The following FOCAD variants were observed in gnomAD, a reference collection of about 807,000 sequenced individuals.
The protein encoded by FOCAD is KIAA1797.
A neutral mutation model predicts 225.6 loss-of-function variants in FOCAD; 198 were observed. The observed-to-expected ratio is 0.88, with a 90% CI of 0.78 to 0.99. The LOEUF is 0.99. FOCAD is among the 50% of genes least tolerant of loss of function. FOCAD has a pLI of 0.00. For synonymous variants in FOCAD, 897 were observed against 755.0 expected (o/e 1.19, Z -3.08); for missense variants, 2,713 against 2,123.6 (o/e 1.28, Z -5.46).
At chr9:20,951,177 T>A in intron 34 of FOCAD, 79 bp downstream of exon 34, 1 of 1,054,194 alleles carries the variant, frequency 9.5e-7, no homozygotes, top group Non-Finnish European at 1.5e-6. Context: ...TTAAGAGCAT[T>A]AATCTTCACA....
At chr9:20,805,285 A>G (rs1160729961) in intron 11 of FOCAD, among the ~76,000 whole-genome samples, 1 of 152,204 alleles carries the variant, frequency 6.6e-6, no homozygotes, top group Non-Finnish European at 1.5e-5. Context: ...TTCAGAAGTG[A>G]ATGAATAACT....
Position 20,929,439 on chromosome 9 carries a change from T to G in FOCAD, c.3160T>G (p.Phe1054Val). Residue 1054 changes from phenylalanine (F) to valine (V), a missense_variant, in exon 27 of 44, where the codon TTC becomes GTC. Coordinates refer to ENST00000338382, the MANE Select transcript of FOCAD (RefSeq NM_001375567.1). The stretch of plus-strand genomic sequence containing the variant: ...GGCTTTGTCTCTCCTTGTGCCAGTT[T>G]TCATTATCTCTTGCAAAGAGAAGGT... ...ATALSLLVPV[F>V]IISCKEKVEE... 6.2e-7 allele frequency: 1 copy of G among 1,614,138 alleles called. No individual in the cohort carries two copies. The highest frequency in any genetic ancestry group is 8.5e-7 in the Non-Finnish European group (1 of 1,180,022).
chr9:20,877,206 TC>T, intron 19 of FOCAD, among the ~76,000 whole-genome samples: 1 of 152,258 alleles, frequency 6.6e-6, no homozygotes, highest in East Asian at 1.9e-4. Flanking sequence ...TCTTTCCCCG[TC>T]AAGTGTCCTT....
intron 17 of FOCAD, 132 bp downstream of exon 17, chr9:20,866,108 G>GTGAT (rs1233124349): frequency 6.8e-6 from 5 of 734,604 alleles, no homozygotes; most frequent in Admixed American, 3.4e-5. Context: ...TAAAAAAAGT[G>GTGAT]TGATTATTCA....
chr9:20,768,930 A>T (rs375849428), intron 7 of FOCAD, among the ~76,000 whole-genome samples: 182 of 152,264 alleles, frequency 1.2e-3, no homozygotes, highest in African/African-American at 4.1e-3. Context: ...AAGATTAGAG[A>T]GCCTTTAATG....
chr9:20,974,531 C>T (rs1240171184), intron 35 of FOCAD, among the ~76,000 whole-genome samples: 4 of 130,806 alleles, frequency 3.1e-5, no homozygotes, highest in Non-Finnish European at 1.6e-5. Flanking sequence ...CTATGTTTGT[C>T]CTTTCTGTAG....
At position 20,862,586 on chromosome 9, in the gene FOCAD, C is replaced by A. The variant is rs1289319960; in HGVS notation, c.1929C>A (p.Cys643Ter). The A allele has an allele frequency of 6.2e-7, 1 of 1,613,034 alleles. No homozygotes were observed. Among genetic ancestry groups the A allele is most frequent in the Non-Finnish European group, 8.5e-7 (1 of 1,179,396 alleles). The change falls in exon 16 of 44, where the codon TGC becomes TGA. Residue 643 changes from cysteine (C) to a stop codon, truncating the protein, a stop_gained. Coordinates refer to ENST00000338382, the MANE Select transcript of FOCAD (RefSeq NM_001375567.1). LOFTEE classifies it high-confidence loss of function. ...TTCTATTTGCTTCACAGGTTGTTTG[C>A]ATTCGCTCCACTTGGAATGCTCTCT... is the stretch of plus-strand genomic sequence containing the variant. Reference protein sequence around the residue: ...LHALCQAEVVCIRSTWNALSP... With the variant: ...LHALCQAEVV
intron 7 of FOCAD, among the ~76,000 whole-genome samples, chr9:20,766,719 A>G (rs76007816): frequency 0.012 from 1,785 of 151,022 alleles, 13 homozygotes; most frequent in Non-Finnish European, 0.019. Flanking sequence ...ATGGTTTCCC[A>G]ACTTTTCTCT....
rs1464809420 is a variant in FOCAD at position 20,978,339 on chromosome 9, G to T, written c.4262G>T (p.Gly1421Val). 3.1e-6 allele frequency: 5 copies of T among 1,592,448 alleles called. No homozygotes were observed. Among genetic ancestry groups the T allele is most frequent in the Non-Finnish European group, 4.3e-6 (5 of 1,166,664 alleles). The change falls in exon 37 of 44, where the codon GGT (glycine) becomes GTT (valine). Residue 1421 changes from glycine to valine, a missense_variant and splice_region_variant. Transcript: ENST00000338382. ...LLSPLMRLNF[G>V]EEIQQLCLEI... ...ATTCTTTTCCTTTCTTGACTTTCAG[G>T]TGAAGAGATCCAGCAACTGTGCCTT...
At chr9:20,905,858 T>C (rs915879441) in intron 21 of FOCAD, among the ~76,000 whole-genome samples, 6 of 152,058 alleles carry the variant, frequency 3.9e-5, no homozygotes, top group Non-Finnish European at 8.8e-5. Context: ...GTAGTACTTA[T>C]TCAGGAAAAG....
intron 8 of FOCAD, among the ~76,000 whole-genome samples, chr9:20,773,484 T>G (rs1032401870): frequency 6.6e-6 from 1 of 152,166 alleles, no homozygotes; most frequent in South Asian, 2.1e-4. Flanking sequence ...ATAAGGCAAA[T>G]AGCACATAGA....
chr9:20,675,723 A>G (rs1305379771), intron 2 of FOCAD, among the ~76,000 whole-genome samples: 2 of 152,244 alleles, frequency 1.3e-5, no homozygotes, highest in African/African-American at 2.4e-5. Context: ...TTTTTTCCCA[A>G]GAAAATAAAC....
intron 15 of FOCAD, among the ~76,000 whole-genome samples, chr9:20,852,295 C>G (rs1798599066): frequency 6.6e-6 from 1 of 151,678 alleles, no homozygotes; most frequent in Non-Finnish European, 1.5e-5. Context: ...TCTTGATTTT[C>G]CTAAGAAGGA....
chr9:20,739,990 T>A (rs994728932), intron 4 of FOCAD, among the ~76,000 whole-genome samples: 2 of 152,168 alleles, frequency 1.3e-5, no homozygotes, highest in Admixed American at 1.3e-4. Flanking sequence ...CTGATTGATT[T>A]TCCCCCAAGA....
chr9:20,885,825 CACTT>C (rs1486829490), intron 21 of FOCAD, among the ~76,000 whole-genome samples: 13 of 152,178 alleles, frequency 8.5e-5, no homozygotes, highest in African/African-American at 2.6e-4. Context: ...TATTTTATCA[CACTT>C]ACTCATATGA....
chr9:20,754,930 T>C (rs1341186176), intron 5 of FOCAD, among the ~76,000 whole-genome samples: 2 of 152,192 alleles, frequency 1.3e-5, no homozygotes, highest in Non-Finnish European at 2.9e-5. Context: ...TATGGATTAT[T>C]TTATATATGT....
At chr9:20,880,671 G>C (rs985148957) in intron 19 of FOCAD, among the ~76,000 whole-genome samples, 24 of 152,146 alleles carry the variant, frequency 1.6e-4, no homozygotes, top group African/African-American at 5.6e-4. Context: ...TGTCAGAAAT[G>C]GGTATATAAT....
rs770682096 is a variant in FOCAD at position 20,952,984 on chromosome 9, G to T, written c.4052-1G>T. 6.2e-7 allele frequency: 1 copy of T among 1,612,618 alleles called. No homozygotes were observed. The highest frequency in any genetic ancestry group is 8.5e-7 in the Non-Finnish European group (1 of 1,179,100). On this transcript the variant is annotated splice_acceptor_variant, in intron 34 of 43. Coordinates refer to ENST00000338382, the MANE Select transcript of FOCAD (RefSeq NM_001375567.1). LOFTEE classifies it high-confidence loss of function. ...AATTTGATCATTTTCTGTCTCCACAGTTCCTACTGACTATAGCTACTTGCC... is the reference window on the plus strand; with the variant it reads ...AATTTGATCATTTTCTGTCTCCACATTTCCTACTGACTATAGCTACTTGCC...
chr9:20,879,898 C>A (rs1318361961), intron 19 of FOCAD, among the ~76,000 whole-genome samples: 1 of 152,156 alleles, frequency 6.6e-6, no homozygotes, highest in Admixed American at 6.6e-5. Context: ...CAGATATGTT[C>A]TTGCCCCTTG....
Sources: allele counts gnomAD v4.1 joint callset (sites outside exome capture counted in the v4.1 genomes callset), GRCh38; gene constraint gnomAD v4.1.1; transcripts MANE v1.5; gene names NCBI Gene and HGNC (gene_info 2026-07-23, HGNC 2026-07-21).